FCRL1: variants seen among roughly 807,000 people sequenced by gnomAD.
FCRL1 encodes Fc receptor like 1.
FCRL1 carries 34 observed loss-of-function variants against 49.2 expected under a neutral mutation model. The ratio of observed to expected loss-of-function variants is 0.69; its 90% CI spans 0.53 to 0.92. The LOEUF is 0.92. Among genes scored for constraint, FCRL1 ranks in the 40% least tolerant of loss-of-function variants. FCRL1 has a pLI of 0.00. For synonymous variants in FCRL1, 218 were observed against 201.6 expected (o/e 1.08, Z -0.69); for missense variants, 524 against 524.1 (o/e 1.00, Z 0.00).
intron 3 of FCRL1, among the ~76,000 whole-genome samples, chr1:157,803,050 C>T (rs1029419204): frequency 6.6e-6 from 1 of 152,212 alleles, no homozygotes; most frequent in African/African-American, 2.4e-5. Flanking sequence ...GATCAAATTA[C>T]TCAACTTCTC....
chr1:157,809,815 T>G (rs543438972), intron 1 of FCRL1, among the ~76,000 whole-genome samples: 34 of 152,226 alleles, frequency 2.2e-4, no homozygotes, highest in African/African-American at 7.7e-4. Context: ...TTCCAGCTAC[T>G]CAGGGAGCTG....
chr1:157,819,337 A>G (rs1324705328), intron 1 of FCRL1, among the ~76,000 whole-genome samples: 1 of 152,120 alleles, frequency 6.6e-6, no homozygotes, highest in African/African-American at 2.4e-5. Flanking sequence ...CCAGGAGTGA[A>G]GCATGCAGAA....
At chr1:157,800,175 T>A in intron 6 of FCRL1, 90 bp from the exon 7 acceptor site, 2 of 1,281,460 alleles carry the variant, frequency 1.6e-6, no homozygotes, top group Non-Finnish European at 2.2e-6. Flanking sequence ...CACAGGGATA[T>A]GCCTCATGCT....
At chr1:157,814,740 C>T (rs984107913) in intron 1 of FCRL1, among the ~76,000 whole-genome samples, 5 of 151,670 alleles carry the variant, frequency 3.3e-5, no homozygotes, top group East Asian at 1.9e-4. Flanking sequence ...CCTGTAAGGA[C>T]ATACATAAAC....
rs186910638 is a variant in FCRL1 at position 157,804,167 on chromosome 1, G to A, written c.53-56C>T. 1.7e-5 allele frequency: 27 copies of A among 1,588,186 alleles called. No homozygotes were observed. In the East Asian group the frequency reaches 5.2e-4, roughly 30 times the overall value. Reference sequence around the variant, plus strand: ...ATGCGGTTCGGAATTTCTGGTAAGAGGCAGTTTGTGTCTCAGCACTTGCCA... The same window carrying A: ...ATGCGGTTCGGAATTTCTGGTAAGAAGCAGTTTGTGTCTCAGCACTTGCCA... On this transcript the variant is annotated intron_variant, in intron 2 of 10. Transcript: ENST00000368176.
At chr1:157,818,466 G>T (rs978111652) in intron 1 of FCRL1, among the ~76,000 whole-genome samples, 1 of 152,004 alleles carries the variant, frequency 6.6e-6, no homozygotes, top group Non-Finnish European at 1.5e-5. Context: ...CTCATAGAAG[G>T]ACGGTGCAGA....
intron 2 of FCRL1, among the ~76,000 whole-genome samples, chr1:157,805,148 C>G (rs931953003): frequency 7.2e-5 from 11 of 152,060 alleles, no homozygotes; most frequent in Admixed American, 1.3e-4. Context: ...TGTGAGCCAC[C>G]ACTCCCGGCC....
intron 9 of FCRL1, 116 bp from the exon 10 acceptor site, chr1:157,797,248 T>A: frequency 9.6e-7 from 1 of 1,047,030 alleles, no homozygotes; most frequent in Non-Finnish European, 1.5e-6. Context: ...TGATTTCCAT[T>A]AATATTTTCT....
rs1419330960 is a variant in FCRL1, at chr1:157,797,883, G to C, written c.1171C>G (p.Gln391Glu). 1.2e-6 allele frequency: 2 copies of C among 1,614,020 alleles called. No individual in the cohort carries two copies. The highest frequency in any genetic ancestry group is 2.7e-5 in the African/African-American group (2 of 74,898). ...CATGTCTCACCTGCTACTGATTCCT[G>C]CTCCGGCTGGTTATAGTACGCCAGT... ...YSLAYYNQPEQESVAAETLGT... is the reference protein window; with the variant it reads ...YSLAYYNQPEEESVAAETLGT... The change falls in exon 9 of 11, where the codon CAG (glutamine) becomes GAG (glutamate). Residue 391 changes from glutamine to glutamate, a missense_variant. Physicochemically the swap from Gln to Glu is conservative, Grantham distance 29. Coordinates refer to ENST00000368176, the MANE Select transcript of FCRL1 (RefSeq NM_052938.5).
At chr1:157,804,608 G>T (rs1653096637) in intron 2 of FCRL1, among the ~76,000 whole-genome samples, 1 of 152,082 alleles carries the variant, frequency 6.6e-6, no homozygotes, top group Non-Finnish European at 1.5e-5. Flanking sequence ...TATGGGACCT[G>T]CAGGGTCGAT....
intron 8 of FCRL1, 66 bp from the exon 9 acceptor site, chr1:157,798,005 C>A: frequency 1.3e-6 from 2 of 1,554,194 alleles, no homozygotes; most frequent in Non-Finnish European, 1.8e-6. Context: ...TTACTCCATA[C>A]CTTCCACCTG....
chr1:157,816,050 A>C (rs1246246274), intron 1 of FCRL1, among the ~76,000 whole-genome samples: 2 of 151,900 alleles, frequency 1.3e-5, no homozygotes, highest in African/African-American at 4.8e-5. Flanking sequence ...AATTCCTCTC[A>C]AATGATTTCC....
chr1:157,816,640 G>T (rs1261843181), intron 1 of FCRL1, among the ~76,000 whole-genome samples: 4 of 151,800 alleles, frequency 2.6e-5, no homozygotes, highest in Non-Finnish European at 5.9e-5. Flanking sequence ...TGAGAAGGAA[G>T]AAGTTAAATT....
intron 2 of FCRL1, 132 bp from the exon 3 acceptor site, chr1:157,804,243 T>TCCCCC (rs1210810717): frequency 3.0e-6 from 3 of 999,994 alleles, no homozygotes; most frequent in African/African-American, 4.5e-5. Context: ...CCTACATGTC[T>TCCCCC]CCACCCCCCC....
Position 157,802,020 on chromosome 1 carries a change from A to G in FCRL1, c.781T>C (p.Ser261Pro), listed in dbSNP as rs1371807408. 2 of 1,614,116 alleles carry G rather than the reference A, an allele frequency of 1.2e-6. No individual in the cohort carries two copies. Among genetic ancestry groups the G allele is most frequent in the South Asian group, 1.1e-5 (1 of 91,088 alleles). ...SRSAPSGGGA[S>P]FNLSLTEEHS... ...TCTTCAGTCAGGGAAAGGTTGAAGG[A>G]GGCTCCTCCTCCAGAGGGGGCCGAC... The change falls in exon 5 of 11, where the codon TCC (serine) becomes CCC (proline). Residue 261 changes from serine (S) to proline (P), a missense_variant. Coordinates refer to ENST00000368176, the MANE Select transcript of FCRL1 (RefSeq NM_052938.5).
rs758098359 is a variant in FCRL1 at position 157,802,452 on chromosome 1, C to T, written c.532G>A (p.Ala178Thr). 1 of 1,614,222 alleles carries T rather than the reference C, an allele frequency of 6.2e-7. No homozygotes were observed. Among genetic ancestry groups the T allele is most frequent in the Non-Finnish European group, 8.5e-7 (1 of 1,180,034 alleles). Residue 178 changes from alanine (A) to threonine (T), a missense_variant, in exon 4 of 11, where the codon GCT (alanine) becomes ACT (threonine). Physicochemically the swap from Ala to Thr is moderately conservative, Grantham distance 58. Transcript: ENST00000368176. ...YEIPSVRESD[A>T]EQYYCVAENG... ...TCAGCTACACAGTAATATTGCTCAGCATCACTCTCCCTCACTGAAGGAATC... is the reference window on the plus strand; with the variant it reads ...TCAGCTACACAGTAATATTGCTCAGTATCACTCTCCCTCACTGAAGGAATC...
chr1:157,801,566 C>T lies in FCRL1; in HGVS notation c.898G>A (p.Ala300Thr). 1 of 1,611,806 alleles carries T rather than the reference C, an allele frequency of 6.2e-7. No homozygotes were observed. Among genetic ancestry groups the T allele is most frequent in the Non-Finnish European group, 8.5e-7 (1 of 1,178,206 alleles). ...CCTGAGGTAAGATGATTGCTTCTGG[C>T]CCCAGTAGGCACTAGAGGGAGAGAC... ...VTLNFTVPTG[A>T]RSNHLTSGVI... The change falls in exon 6 of 11, where the codon GCC becomes ACC. Residue 300 changes from alanine to threonine, a missense_variant. Ala to Thr is a moderately conservative substitution (Grantham distance 58). Transcript: ENST00000368176.
At chr1:157,813,608 G>T (rs867494834) in intron 1 of FCRL1, among the ~76,000 whole-genome samples, 1 of 152,056 alleles carries the variant, frequency 6.6e-6, no homozygotes, top group Non-Finnish European at 1.5e-5. Context: ...CCATTAAGTG[G>T]GCAAATATTT....
At chr1:157,798,273 C>G in intron 7 of FCRL1, 30 bp from the exon 8 acceptor site, 1 of 1,545,702 alleles carries the variant, frequency 6.5e-7, no homozygotes, top group Non-Finnish European at 8.8e-7. Context: ...TGTTATTTAT[C>G]TGAAATTGCA....
Sources: gnomAD v4.1 joint callset for allele counts (sites outside exome capture counted in the v4.1 genomes callset) on GRCh38, gnomAD v4.1.1 for gene constraint, MANE v1.5 for transcripts, NCBI Gene and HGNC (gene_info 2026-07-23, HGNC 2026-07-21) for gene names.